The following ROBO4 variants were observed in gnomAD, a reference collection of about 807,000 sequenced individuals.
ROBO4 encodes roundabout guidance receptor 4, also known as roundabout homolog 4.
In ROBO4, 80 loss-of-function variants were observed where a neutral mutation model predicts 103.3. The observed-to-expected ratio is 0.77, with a 90% CI of 0.65 to 0.93. ROBO4 has a LOEUF of 0.93. ROBO4 is among the 40% of genes least tolerant of loss of function. The pLI, the probability that ROBO4 is intolerant of heterozygous loss-of-function variation, is 0.00. For missense variants in ROBO4, 1,333 were observed against 1,305.3 expected, an observed-to-expected ratio of 1.02 and a Z score of -0.33; for synonymous variants, 504 against 529.7, an observed-to-expected ratio of 0.95 and a Z score of 0.67.
intron 4 of ROBO4, 122 bp from the exon 5 acceptor site, chr11:124,896,034 G>A (rs1946883021): frequency 1.3e-6 from 2 of 1,531,186 alleles, no homozygotes; most frequent in East Asian, 4.5e-5. Context: ...TCCAGGTCTT[G>A]AGCATTCCGA....
intron 5 of ROBO4, 49 bp from the exon 6 acceptor site, chr11:124,895,734 G>T (rs138077339): frequency 6.2e-7 from 1 of 1,612,742 alleles, no homozygotes; most frequent in South Asian, 1.1e-5. Flanking sequence ...GCTCAGGAAC[G>T]CCCTTTCTTG....
Position 124,891,672 on chromosome 11 carries a change from G to A in ROBO4, c.1678C>T (p.Arg560Cys), listed in dbSNP as rs145076728. ...CCCCACTGAGCATGCTCACAGGAGC[G>A]ACGACAGTCTAGTGGGTCCCGGGCA... is the stretch of plus-strand genomic sequence containing the variant. ...ADARDPLDCR[R>C]SLLSWDSRSP... Residue 560 changes from arginine to cysteine, a missense_variant, in exon 11 of 18, where the codon CGC becomes TGC. Arg to Cys is a radical substitution (Grantham distance 180). Transcript: ENST00000306534. 105 of 1,614,180 alleles carry A rather than the reference G, an allele frequency of 6.5e-5. No individual in the cohort carries two copies. Among genetic ancestry groups the A allele is most frequent in the Non-Finnish European group, 8.1e-5 (95 of 1,180,046 alleles).
In ROBO4 at chr11:124,884,053, A is replaced by C. The variant is rs1037060486; in HGVS notation, c.*838T>G. On this transcript the variant is annotated 3_prime_UTR_variant, in exon 18 of 18. Transcript: ENST00000306534. The stretch of plus-strand genomic sequence containing the variant: ...CCCCTGCCCTTCCTATATTCTGCTT[A>C]AAATTTGGTGGATGAACCTCATTCT... 6.6e-6 allele frequency: 1 copy of C among 152,160 alleles called. No individual in the cohort carries two copies. The highest frequency in any genetic ancestry group is 1.5e-5 in the Non-Finnish European group (1 of 68,028). 9.4% of individuals were successfully genotyped at this position (152,160 alleles called of 1,614,324 possible).
chr11:124,891,580 G>A lies in ROBO4; in HGVS notation c.1685-18C>T. Reference sequence around the variant, plus strand: ...GGAGAGCACTGTGACATAAATGACAGGAGGAATTATGGTGAGCATGTCCTG... The same window carrying A: ...GGAGAGCACTGTGACATAAATGACAAGAGGAATTATGGTGAGCATGTCCTG... On this transcript the variant is annotated intron_variant, in intron 11 of 17. Transcript: ENST00000306534. The A allele has an allele frequency of 3.7e-6, 6 of 1,614,246 alleles. No homozygotes were observed. The highest frequency in any genetic ancestry group is 5.1e-6 in the Non-Finnish European group (6 of 1,180,046).
At position 124,895,687 on chromosome 11, in the gene ROBO4, TG is replaced by T; in HGVS notation, c.808-3del. On this transcript the variant is annotated splice_region_variant and splice_polypyrimidine_tract_variant and intron_variant, in intron 5 of 17. Transcript: ENST00000306534. ...GGCAGGCGCAGCAGGGCCACTGACC[TG>T]GGAAGGAGTTTCGAGGAAGGGCGGG... is the stretch of plus-strand genomic sequence containing the variant. 6.2e-7 allele frequency: 1 copy of T among 1,611,866 alleles called. No individual in the cohort carries two copies.
intron 10 of ROBO4, 36 bp from the exon 11 acceptor site, chr11:124,891,838 A>C: frequency 6.2e-7 from 1 of 1,611,742 alleles, no homozygotes; most frequent in South Asian, 1.1e-5. Context: ...GGCCAGGAGA[A>C]ACAGGGAGAA....
intron 1 of ROBO4, 189 bp from the exon 2 acceptor site, chr11:124,897,450 A>T (rs1946914644): frequency 1.7e-6 from 1 of 585,694 alleles, no homozygotes; most frequent in Non-Finnish European, 3.0e-6. Context: ...CATCCAGGCC[A>T]GGGCTTGCAT....
At chr11:124,896,353 G>A (rs768756285) in intron 3 of ROBO4, 35 bp from the exon 4 acceptor site, 47 of 1,611,998 alleles carry the variant, frequency 2.9e-5, no homozygotes, top group Middle Eastern at 1.6e-4. Context: ...AGTCTCCTAT[G>A]TGGGGAGGGG....
chr11:124,887,334 C>G, intron 14 of ROBO4, 24 bp downstream of exon 14: 15 of 1,613,882 alleles, frequency 9.3e-6, no homozygotes, highest in Non-Finnish European at 1.3e-5. Flanking sequence ...CCCAGCCCTG[C>G]TTCCCGACCC....
chr11:124,891,947 G>T, intron 10 of ROBO4, 145 bp from the exon 11 acceptor site: 1 of 927,268 alleles, frequency 1.1e-6, no homozygotes, highest in Non-Finnish European at 1.7e-6. Context: ...GCTTTTCACA[G>T]ACTCCTTAAG....
At position 124,894,023 on chromosome 11, in the gene ROBO4, G is replaced by A; in HGVS notation, c.1341C>T (p.Thr447=). ...LLLEQAMERA[T]QEPSEHGPWT... is the part of the protein sequence containing the mutation. ...AGGGACCATGCTCACTGGGTTCTTGGGTGGCTCGCTCCATGGCCTGCTCTG... is the reference window on the plus strand; with the variant it reads ...AGGGACCATGCTCACTGGGTTCTTGAGTGGCTCGCTCCATGGCCTGCTCTG... Residue 447 remains threonine (T), a synonymous_variant, in exon 9 of 18, where the codon ACC becomes ACT. Coordinates refer to ENST00000306534, the MANE Select transcript of ROBO4 (RefSeq NM_019055.6). The A allele has an allele frequency of 6.4e-7, 1 of 1,554,348 alleles. No individual in the cohort carries two copies. Among genetic ancestry groups the A allele is most frequent in the African/African-American group, 1.4e-5 (1 of 73,474 alleles).
intron 12 of ROBO4, among the ~76,000 whole-genome samples, 179 bp downstream of exon 12, chr11:124,891,120 C>T (rs1178416804): frequency 6.6e-6 from 1 of 151,948 alleles, no homozygotes; most frequent in African/African-American, 2.4e-5. Flanking sequence ...CTATTGCACC[C>T]CTAGCTGAGT....
At chr11:124,891,168 G>C in intron 12 of ROBO4, 131 bp downstream of exon 12, 1 of 1,143,406 alleles carries the variant, frequency 8.7e-7, no homozygotes, top group Non-Finnish European at 1.2e-6. Flanking sequence ...GTGTCCACCT[G>C]GAGAGGAGAA....
At position 124,887,404 on chromosome 11, in the gene ROBO4, G is replaced by T. The variant is rs1475296545; in HGVS notation, c.2152C>A (p.Pro718Thr). The T allele has an allele frequency of 1.2e-6, 2 of 1,613,966 alleles. No homozygotes were observed. Among genetic ancestry groups the T allele is most frequent in the Admixed American group, 1.7e-5 (1 of 59,998 alleles). The stretch of plus-strand genomic sequence containing the variant: ...GGGGGAGTTTCATGAGGAAAGAGGG[G>T]TGCTGGAGGGAGATGACGAGTAACC... Reference protein sequence around the residue: ...ELVTRHLPPAPLFPHETPPTQ... With the variant: ...ELVTRHLPPATLFPHETPPTQ... The change falls in exon 14 of 18, where the codon CCC becomes ACC. Residue 718 changes from proline (P) to threonine (T), a missense_variant. Coordinates refer to ENST00000306534, the MANE Select transcript of ROBO4 (RefSeq NM_019055.6).
chr11:124,892,927 G>A (rs372439317), intron 10 of ROBO4: 14 of 152,710 alleles, frequency 9.2e-5, no homozygotes, highest in Admixed American at 6.5e-4. Context: ...CCCTGCTCTG[G>A]GCTGAGGACC....
At chr11:124,897,672 C>T (rs1450561797) in intron 1 of ROBO4, 54 bp downstream of exon 1, 7 of 1,548,842 alleles carry the variant, frequency 4.5e-6, no homozygotes, top group African/African-American at 1.4e-5. Flanking sequence ...CCCCTTCTGC[C>T]CTGAGCAGGC....
intron 2 of ROBO4, 49 bp downstream of exon 2, chr11:124,896,883 G>A (rs1442954135): frequency 6.3e-7 from 1 of 1,580,814 alleles, no homozygotes; most frequent in Admixed American, 1.8e-5. Context: ...CAGCTCAGAT[G>A]TCTCCACCCA....
chr11:124,885,152 T>G lies in ROBO4; in HGVS notation c.2890A>C (p.Met964Leu). The change falls in exon 17 of 18, where the codon ATG becomes CTG. Residue 964 changes from methionine (M) to leucine (L), a missense_variant. Coordinates refer to ENST00000306534, the MANE Select transcript of ROBO4 (RefSeq NM_019055.6). ...AGCCGCTGGGTGTGGCTGACCTCCA[T>G]GTCTTCCAACCAGTCTGGCCTCCAC... ...WEWRPDWLED[M>L]EVSHTQRLGR... is the part of the protein sequence containing the mutation. 6.2e-7 allele frequency: 1 copy of G among 1,614,040 alleles called. No homozygotes were observed. The highest frequency in any genetic ancestry group is 8.5e-7 in the Non-Finnish European group (1 of 1,180,014).
intron 16 of ROBO4, 57 bp downstream of exon 16, chr11:124,886,407 A>T (rs746231186): frequency 1.5e-6 from 2 of 1,303,540 alleles, no homozygotes; most frequent in Admixed American, 2.0e-5. Context: ...ACATGATAAC[A>T]GTTGTTAGAA....
Sources: gnomAD v4.1 joint callset for allele counts (sites outside exome capture counted in the v4.1 genomes callset) on GRCh38, gnomAD v4.1.1 for gene constraint, MANE v1.5 for transcripts, NCBI Gene and HGNC (gene_info 2026-07-23, HGNC 2026-07-21) for gene names.